IQSEC1: variants seen among roughly 807,000 people sequenced by gnomAD.
The protein encoded by IQSEC1 is IQ motif and SEC7 domain-containing protein 1.
A neutral mutation model predicts 91.0 loss-of-function variants in IQSEC1; 31 were observed. The ratio of observed to expected loss-of-function variants is 0.34; its 90% CI spans 0.26 to 0.46. The LOEUF is 0.46. Ranked by LOEUF, IQSEC1 falls within the 20% of genes least tolerant of loss-of-function variation. IQSEC1 has a pLI of 1.00. For missense variants in IQSEC1, 1,388 were observed against 1,575.6 expected, an observed-to-expected ratio of 0.88 and a Z score of 2.02; for synonymous variants, 699 against 662.6, an observed-to-expected ratio of 1.05 and a Z score of -0.84.
At chr3:13,122,049 C>T (rs537259992) in intron 2 of IQSEC1, among the ~76,000 whole-genome samples, 4 of 152,352 alleles carry the variant, frequency 2.6e-5, no homozygotes, top group Admixed American at 2.6e-4. Flanking sequence ...AGGGAGCTCA[C>T]CTTCCAGTGA....
At chr3:12,997,569 G>A (rs1559708734) in intron 1 of IQSEC1, among the ~76,000 whole-genome samples, 1 of 152,128 alleles carries the variant, frequency 6.6e-6, no homozygotes, top group East Asian at 1.9e-4. Context: ...ACCTCATAGA[G>A]TGTTCTTACA....
rs553818162 is a variant in IQSEC1, at chr3:13,030,403, C to T, written c.23+42589G>A. 3.7e-4 allele frequency among the ~76,000 whole-genome samples: 56 copies of T among 152,292 alleles called. 1 individual carries two copies. In the South Asian group the frequency reaches 0.011, roughly 31 times the overall value. ...GCATGAGCCACCACGCTCAGCTTCGCCCCACCTTTATGGTGCACTCTCTTT... is the reference window on the plus strand; with the variant it reads ...GCATGAGCCACCACGCTCAGCTTCGTCCCACCTTTATGGTGCACTCTCTTT... On this transcript the variant is annotated intron_variant, in intron 1 of 13. Transcript: ENST00000613206.
chr3:13,180,850 C>T (rs867817835), intron 1 of IQSEC1, among the ~76,000 whole-genome samples: 1 of 152,210 alleles, frequency 6.6e-6, no homozygotes, highest in Non-Finnish European at 1.5e-5. Context: ...ACTCCGAACA[C>T]ATTCGAACAT....
Position 12,908,650 on chromosome 3 carries a change from T to A in IQSEC1, c.2579-125A>T. ...ATCTGCTTGGAATGGGGAAGGGTTGTTTCTGGGAAAGAGGGTGTGATGGCC... is the reference window on the plus strand; with the variant it reads ...ATCTGCTTGGAATGGGGAAGGGTTGATTCTGGGAAAGAGGGTGTGATGGCC... On this transcript the variant is annotated intron_variant, in intron 11 of 13. Coordinates refer to ENST00000613206, the MANE Select transcript of IQSEC1 (RefSeq NM_001134382.3). This position sits in a 1 kb window ranked among gnomAD's most constrained non-coding sequence, Gnocchi z 4.9. 1 of 1,077,870 alleles carries A rather than the reference T, an allele frequency of 9.3e-7. No homozygotes were observed. Among genetic ancestry groups the A allele is most frequent in the Non-Finnish European group, 1.4e-6 (1 of 739,538 alleles). 66.8% of individuals were successfully genotyped at this position (1,077,870 alleles called of 1,614,324 possible).
At chr3:13,126,962 T>C (rs1195112949) in intron 2 of IQSEC1, among the ~76,000 whole-genome samples, 1 of 152,218 alleles carries the variant, frequency 6.6e-6, no homozygotes, top group Non-Finnish European at 1.5e-5. Flanking sequence ...CCATGATCCA[T>C]TTTGAGTTAA....
In IQSEC1 at chr3:13,282,269, G is replaced by A. The variant is rs1695806967; in HGVS notation, c.272+442C>T. Among the ~76,000 whole-genome samples the A allele has an allele frequency of 6.6e-6, 1 of 152,198 alleles. No homozygotes were observed. Among genetic ancestry groups the A allele is most frequent in the East Asian group, 1.9e-4 (1 of 5,180 alleles). On this transcript the variant is annotated intron_variant, in intron 1 of 15. Transcript: ENST00000648114. This position sits in a 1 kb window ranked among gnomAD's most constrained non-coding sequence, Gnocchi z 6.4. The stretch of plus-strand genomic sequence containing the variant: ...CGCAACCCGCAAGCGACCCAGGCCC[G>A]CTCCAGGGCGGGATCCGCGCGGCCC...
intron 1 of IQSEC1, among the ~76,000 whole-genome samples, chr3:13,260,144 A>C (rs1048721213): frequency 2.0e-5 from 3 of 152,154 alleles, no homozygotes; most frequent in African/African-American, 7.2e-5. Flanking sequence ...AGTGAGGGAG[A>C]CAGAAAAGAG....
intron 10 of IQSEC1, among the ~76,000 whole-genome samples, chr3:12,911,428 T>TA (rs1695543810): frequency 6.6e-6 from 1 of 152,238 alleles, no homozygotes; most frequent in South Asian, 2.1e-4. Flanking sequence ...CCAGTGTTAT[T>TA]ACATGAGGCT....
Position 13,272,650 on chromosome 3 carries a change from T to C in IQSEC1, c.272+10061A>G, listed in dbSNP as rs144032070. Among the ~76,000 whole-genome samples the C allele has an allele frequency of 5.0e-3, 759 of 152,190 alleles. 6 individuals are homozygous for C. The highest frequency in any genetic ancestry group is 0.017 in the African/African-American group (725 of 41,508). ...TGGCGGATTTTTACACATCTCGATG[T>C]CCGGCAACTGCTGAGCTGGGTAAGA... On this transcript the variant is annotated intron_variant, in intron 1 of 15. Transcript: ENST00000648114.
At chr3:13,016,077 T>G (rs942996593) in intron 1 of IQSEC1, among the ~76,000 whole-genome samples, 12 of 149,728 alleles carry the variant, frequency 8.0e-5, no homozygotes, top group Admixed American at 7.9e-4. Flanking sequence ...CTTAGCAGCT[T>G]GGGCCCAAAG....
intron 1 of IQSEC1, among the ~76,000 whole-genome samples, chr3:13,196,256 CAG>C (rs987135550): frequency 6.6e-6 from 1 of 152,198 alleles, no homozygotes; most frequent in African/African-American, 2.4e-5. Flanking sequence ...ACGTTAGTGA[CAG>C]AGCCTTCAGG....
chr3:12,919,635 C>G (rs1475477647), intron 6 of IQSEC1, among the ~76,000 whole-genome samples: 1 of 152,272 alleles, frequency 6.6e-6, no homozygotes, highest in East Asian at 1.9e-4. Context: ...ACTGGCTCTT[C>G]TTTGCTGTTA....
At chr3:12,917,046 G>C (rs1430951557) in intron 6 of IQSEC1, among the ~76,000 whole-genome samples, 2 of 152,232 alleles carry the variant, frequency 1.3e-5, no homozygotes, top group Admixed American at 1.3e-4. Context: ...GAAGGAAACT[G>C]CTAGGCACCT....
chr3:13,088,376 C>A (rs1705776869), intron 2 of IQSEC1, among the ~76,000 whole-genome samples: 2 of 152,168 alleles, frequency 1.3e-5, no homozygotes, highest in African/African-American at 2.4e-5. Context: ...TCCACCACAT[C>A]TATGAGAGCA....
chr3:13,276,608 G>A (rs1303012453), intron 1 of IQSEC1, among the ~76,000 whole-genome samples: 9 of 152,154 alleles, frequency 5.9e-5, no homozygotes, highest in Admixed American at 2.0e-4. Context: ...AGCCTGCTAC[G>A]GGGACAGGGC....
intron 1 of IQSEC1, among the ~76,000 whole-genome samples, chr3:13,251,529 C>T (rs1695193825): frequency 6.6e-6 from 1 of 152,174 alleles, no homozygotes; most frequent in Non-Finnish European, 1.5e-5. Context: ...CAATTCCCGA[C>T]CAGCAAGATG....
chr3:13,058,402 TG>T (rs1704950949), intron 1 of IQSEC1, among the ~76,000 whole-genome samples: 1 of 152,262 alleles, frequency 6.6e-6, no homozygotes, highest in Non-Finnish European at 1.5e-5. Context: ...CATGATGTGC[TG>T]AGTGCCACTG....
rs533792228 is a variant in IQSEC1 at position 13,015,213 on chromosome 3, T to C, written c.23+57779A>G. Among the ~76,000 whole-genome samples, 266 of 152,244 alleles carry C rather than the reference T, an allele frequency of 1.7e-3. 1 individual carries two copies. The highest frequency in any genetic ancestry group is 6.3e-3 in the Admixed American group (97 of 15,300). On this transcript the variant is annotated intron_variant, in intron 1 of 13. Transcript: ENST00000613206. ...TAAACTGGGCATTGTCAAGAGTCCATCTTTCTCAGGGTGGTTGTGAGGGCC... is the reference window on the plus strand; with the variant it reads ...TAAACTGGGCATTGTCAAGAGTCCACCTTTCTCAGGGTGGTTGTGAGGGCC...
intron 1 of IQSEC1, among the ~76,000 whole-genome samples, chr3:13,056,473 A>T (rs906737869): frequency 2.0e-5 from 3 of 151,990 alleles, no homozygotes; most frequent in African/African-American, 7.2e-5. Context: ...GATCTCATTT[A>T]ATCCTCAAGC....
Sources: allele counts gnomAD v4.1 joint callset (sites outside exome capture counted in the v4.1 genomes callset), GRCh38; gene constraint gnomAD v4.1.1; non-coding constraint Gnocchi (gnomAD v3.1); transcripts MANE v1.5; gene names NCBI Gene and HGNC (gene_info 2026-07-23, HGNC 2026-07-21).